The following SH3BGRL variants were observed in gnomAD, a reference collection of about 807,000 sequenced individuals.
SH3BGRL encodes the protein SH3 domain binding glutamate rich protein like, also known as adapter SH3BGRL.
A neutral mutation model predicts 9.8 loss-of-function variants in SH3BGRL; 7 were observed. The ratio of observed to expected loss-of-function variants is 0.72; its 90% CI spans 0.41 to 1.35. The LOEUF is 1.35. Ranked by LOEUF, SH3BGRL falls within the 40% of genes most tolerant of loss-of-function variation. The pLI is 0.01. For synonymous variants in SH3BGRL, 36 were observed against 29.1 expected, an observed-to-expected ratio of 1.24 and a Z score of -0.76; for missense variants, 73 against 84.4, an observed-to-expected ratio of 0.86 and a Z score of 0.53.
At chrX:81,258,172 C>G (rs751130157) in intron 1 of SH3BGRL, among the ~76,000 whole-genome samples, 42 of 111,681 alleles carry the variant, frequency 3.8e-4, no homozygotes, top group African/African-American at 1.3e-3. Flanking sequence ...AACATTTTTT[C>G]CTGTTGCTGA....
chrX:81,231,636 C>G (rs190063720), intron 1 of SH3BGRL, among the ~76,000 whole-genome samples: 1 of 112,102 alleles, frequency 8.9e-6, no homozygotes, highest in East Asian at 2.8e-4. Flanking sequence ...TAACCAATAG[C>G]TATTATCAAT....
At chrX:81,248,631 A>G (rs958115106) in intron 1 of SH3BGRL, among the ~76,000 whole-genome samples, 1 of 112,610 alleles carries the variant, frequency 8.9e-6, no homozygotes, top group East Asian at 2.8e-4. Context: ...GCAAGGGACT[A>G]AAATGCCTGC....
intron 1 of SH3BGRL, among the ~76,000 whole-genome samples, chrX:81,204,177 A>G (rs771329720): frequency 8.9e-6 from 1 of 112,356 alleles, no homozygotes; most frequent in South Asian, 3.6e-4. Context: ...TTAGAAATTT[A>G]TTAGAAATTT....
At chrX:81,206,447 C>G (rs546735446) in intron 1 of SH3BGRL, among the ~76,000 whole-genome samples, 1 of 111,517 alleles carries the variant, frequency 9.0e-6, no homozygotes, top group Non-Finnish European at 1.9e-5. Flanking sequence ...TATACAGGTT[C>G]AAAGAGTAAA....
chrX:81,244,270 A>G (rs1276324115), intron 1 of SH3BGRL, among the ~76,000 whole-genome samples: 1 of 111,718 alleles, frequency 9.0e-6, no homozygotes, highest in Non-Finnish European at 1.9e-5. Context: ...GATTATGTTC[A>G]TTTGGGACTA....
At chrX:81,250,567 G>T (rs1425585046) in intron 1 of SH3BGRL, among the ~76,000 whole-genome samples, 1 of 111,603 alleles carries the variant, frequency 9.0e-6, no homozygotes, top group African/African-American at 3.3e-5. Flanking sequence ...ACATTTAAAA[G>T]AAATTATTAA....
intron 1 of SH3BGRL, among the ~76,000 whole-genome samples, chrX:81,208,326 T>C (rs1419186001): frequency 9.0e-6 from 1 of 111,695 alleles, no homozygotes; most frequent in Admixed American, 9.4e-5. Flanking sequence ...GCACAAAGAC[T>C]AGTTACTTTG....
chrX:81,214,474 TTGTC>T (rs776674482), intron 1 of SH3BGRL, among the ~76,000 whole-genome samples: 24 of 111,957 alleles, frequency 2.1e-4, no homozygotes, highest in African/African-American at 7.8e-4. Context: ...AAAATCCTGT[TTGTC>T]TGTTTTCCCA....
rs894280413 is a variant in SH3BGRL, at chrX:81,244,055, A to T, written c.46-32929A>T. Among the ~76,000 whole-genome samples, 4 of 112,142 alleles carry T rather than the reference A, an allele frequency of 3.6e-5. No individual in the cohort carries two copies. The South Asian group carries it at 1.5e-3, about 42-fold the overall frequency. ...ATGTCAGATGTTTTTACAGCACTTT[A>T]TTAATTTATTTAGTCATCTTTATTG... On this transcript the variant is annotated intron_variant, in intron 1 of 3. Coordinates refer to ENST00000373212, the MANE Select transcript of SH3BGRL (RefSeq NM_003022.3).
chrX:81,256,833 A>T (rs1020179025), intron 1 of SH3BGRL, among the ~76,000 whole-genome samples: 9 of 111,856 alleles, frequency 8.0e-5, no homozygotes, highest in Non-Finnish European at 1.7e-4. Context: ...CTTATGTTTG[A>T]TCCCAAAGTC....
intron 1 of SH3BGRL, among the ~76,000 whole-genome samples, chrX:81,275,187 C>G (rs967808793): frequency 1.8e-5 from 2 of 111,373 alleles, no homozygotes; most frequent in African/African-American, 6.5e-5. Context: ...GCAAATGTGA[C>G]TGATGACATT....
intron 1 of SH3BGRL, among the ~76,000 whole-genome samples, chrX:81,206,382 A>G (rs1489536890): frequency 8.9e-6 from 1 of 111,986 alleles, no homozygotes; most frequent in East Asian, 2.8e-4. Flanking sequence ...TTTTAAAAAT[A>G]ATCCTTTGAA....
rs2075882517 is a variant in SH3BGRL, at chrX:81,298,321, A to G, written c.*1094A>G. 2.7e-5 allele frequency: 3 copies of G among 111,735 alleles called. No homozygotes were observed. In the South Asian group the frequency reaches 1.1e-3, roughly 41 times the overall value. 9.2% of individuals were successfully genotyped at this position (111,735 alleles called of 1,213,427 possible). ...AAGCCTGAAGACTTCTAAAAAGACA[A>G]GAAACATGGCCTAAATAACCAACAT... On this transcript the variant is annotated 3_prime_UTR_variant, in exon 4 of 4. Coordinates refer to ENST00000373212, the MANE Select transcript of SH3BGRL (RefSeq NM_003022.3).
chrX:81,221,936 G>C (rs1237877344), intron 1 of SH3BGRL, among the ~76,000 whole-genome samples: 1 of 111,740 alleles, frequency 8.9e-6, no homozygotes, highest in Non-Finnish European at 1.9e-5. Flanking sequence ...AATATTAGAA[G>C]CATATGTATA....
At chrX:81,246,305 G>A (rs1209508066) in intron 1 of SH3BGRL, among the ~76,000 whole-genome samples, 1 of 111,883 alleles carries the variant, frequency 8.9e-6, no homozygotes, top group Non-Finnish European at 1.9e-5. Context: ...CTGTGCAGAA[G>A]TTCTTTAATT....
At chrX:81,216,092 A>G (rs1457614982) in intron 1 of SH3BGRL, among the ~76,000 whole-genome samples, 1 of 111,575 alleles carries the variant, frequency 9.0e-6, no homozygotes, top group East Asian at 2.8e-4. Context: ...GTAAACAATT[A>G]TGTCTTATAA....
At chrX:81,260,732 A>C (rs767256507) in intron 1 of SH3BGRL, among the ~76,000 whole-genome samples, 2 of 111,212 alleles carry the variant, frequency 1.8e-5, no homozygotes, top group East Asian at 5.7e-4. Context: ...AAGTTCCTTC[A>C]GACCATAACT....
intron 1 of SH3BGRL, among the ~76,000 whole-genome samples, chrX:81,247,894 T>C (rs780082730): frequency 1.8e-5 from 2 of 110,317 alleles, no homozygotes; most frequent in African/African-American, 6.6e-5. Flanking sequence ...AAGTTCTTCT[T>C]TGGTAGAATT....
intron 1 of SH3BGRL, among the ~76,000 whole-genome samples, chrX:81,217,069 T>TGAG (rs2075583439): frequency 9.1e-6 from 1 of 110,352 alleles, no homozygotes; most frequent in Non-Finnish European, 1.9e-5. Flanking sequence ...CAAGAGTGTA[T>TGAG]GAGGGTTCCC....
Sources: gnomAD v4.1 joint callset for allele counts (sites outside exome capture counted in the v4.1 genomes callset) on GRCh38, gnomAD v4.1.1 for gene constraint, MANE v1.5 for transcripts, NCBI Gene and HGNC (gene_info 2026-07-23, HGNC 2026-07-21) for gene names.